The following GMPS variants were observed in gnomAD, a reference collection of about 807,000 sequenced individuals.
GMPS encodes the protein GMP synthase [glutamine-hydrolyzing].
GMPS carries 15 observed loss-of-function variants against 77.9 expected under a neutral mutation model. The observed-to-expected ratio is 0.19, with a 90% CI of 0.13 to 0.30. The LOEUF is 0.30. Among genes scored for constraint, GMPS ranks in the 10% least tolerant of loss-of-function variants. GMPS has a pLI of 1.00. For synonymous variants in GMPS, 224 were observed against 275.9 expected (o/e 0.81, Z 1.86); for missense variants, 590 against 838.8 (o/e 0.70, Z 3.66).
At chr3:155,903,770 C>A in intron 3 of GMPS, 93 bp from the exon 4 acceptor site, 1 of 563,958 alleles carries the variant, frequency 1.8e-6, no homozygotes, top group Non-Finnish European at 3.1e-6. Context: ...ATCAGGTATT[C>A]TGAAAAGAAA....
intron 1 of GMPS, among the ~76,000 whole-genome samples, chr3:155,887,849 G>A (rs1220413955): frequency 6.6e-6 from 1 of 152,110 alleles, no homozygotes; most frequent in Non-Finnish European, 1.5e-5. Context: ...AAATGTTACT[G>A]ATCATTGATA....
intron 12 of GMPS, among the ~76,000 whole-genome samples, chr3:155,928,348 G>A (rs978966421): frequency 6.6e-6 from 1 of 151,906 alleles, no homozygotes; most frequent in African/African-American, 2.4e-5. Context: ...TTTTATAGAT[G>A]CTATCACATT....
At chr3:155,913,665 C>T (rs1577522332) in intron 7 of GMPS, among the ~76,000 whole-genome samples, 1 of 151,822 alleles carries the variant, frequency 6.6e-6, no homozygotes, top group Non-Finnish European at 1.5e-5. Flanking sequence ...GGATTGCAGA[C>T]ATGTGCCACT....
chr3:155,918,766 CTT>C (rs1755246902), intron 9 of GMPS, among the ~76,000 whole-genome samples: 1 of 152,030 alleles, frequency 6.6e-6, no homozygotes, highest in African/African-American at 2.4e-5. Flanking sequence ...TTTTAATTGA[CTT>C]ATTTATTTTT....
chr3:155,942,551 G>A lies in GMPS; in HGVS notation c.*4859G>A, dbSNP rs753730206. ...AAGGTCTTATAGCTAAATTAGTTCA[G>A]ATCCAGGAACCAGATTCTGGAACTG... On this transcript the variant is annotated 3_prime_UTR_variant, in exon 16 of 16. Coordinates refer to ENST00000496455, the MANE Select transcript of GMPS (RefSeq NM_003875.3). 222 of 228,102 alleles carry A rather than the reference G, an allele frequency of 9.7e-4. 2 individuals carry two copies. Among genetic ancestry groups the A allele is most frequent in the Middle Eastern group, 3.9e-3 (3 of 776 alleles). The allele number at this position is 228,102 out of a possible 1,614,324, so 14.1% of individuals were successfully genotyped here. A position where few individuals can be genotyped will look rare whatever the true frequency, so the allele number is the denominator to read the frequency against.
At chr3:155,893,790 C>T (rs762054037) in intron 2 of GMPS, 91 bp downstream of exon 2, 25 of 672,998 alleles carry the variant, frequency 3.7e-5, no homozygotes, top group Non-Finnish European at 4.4e-5. Context: ...AATTTTTCTA[C>T]GAAAATAAGA....
intron 11 of GMPS, 59 bp from the exon 12 acceptor site, chr3:155,925,182 T>TA: frequency 2.7e-6 from 4 of 1,476,220 alleles, no homozygotes; most frequent in Non-Finnish European, 3.7e-6. Flanking sequence ...TAGTAGATAA[T>TA]AAAAGAGTGA....
chr3:155,901,600 A>G (rs1358350777), intron 3 of GMPS, among the ~76,000 whole-genome samples: 3 of 152,114 alleles, frequency 2.0e-5, no homozygotes, highest in African/African-American at 7.2e-5. Context: ...TTCCCACAGC[A>G]ATATATAAAA....
intron 9 of GMPS, among the ~76,000 whole-genome samples, chr3:155,917,904 G>A (rs1755226482): frequency 6.6e-6 from 1 of 151,956 alleles, no homozygotes; most frequent in South Asian, 2.1e-4. Flanking sequence ...AACAGACTGA[G>A]TAATGTACTA....
rs892250677 is a variant in GMPS at position 155,930,046 on chromosome 3, C to G, written c.1561-1719C>G. ...TATGGAACCAAAAAAGAGCCCGCAT[C>G]GCCAAGTCAATCCTAAGCCAAAAGA... On this transcript the variant is annotated intron_variant, in intron 12 of 15. Coordinates refer to ENST00000496455, the MANE Select transcript of GMPS (RefSeq NM_003875.3). Among the ~76,000 whole-genome samples the G allele has an allele frequency of 1.1e-3, 154 of 143,936 alleles. No homozygotes were observed. In the Middle Eastern group the frequency reaches 0.014, roughly 13 times the overall value. 94.4% of individuals were successfully genotyped at this position (143,936 alleles called of 152,430 possible). A position where few individuals can be genotyped will look rare whatever the true frequency, so the allele number is the denominator to read the frequency against.
intron 1 of GMPS, among the ~76,000 whole-genome samples, chr3:155,883,013 A>G (rs557674267): frequency 1.3e-5 from 2 of 152,342 alleles, no homozygotes; most frequent in East Asian, 1.9e-4. Flanking sequence ...AATAGACCAC[A>G]TACTACCACA....
At position 155,931,683 on chromosome 3, in the gene GMPS, T is replaced by TTTA. The variant is rs745576751; in HGVS notation, c.1561-82_1561-81insTTA. The TTTA allele has an allele frequency of 2.1e-3, 839 of 398,664 alleles. 3 individuals are homozygous for TTTA. The highest frequency in any genetic ancestry group is 8.9e-3 in the East Asian group (194 of 21,706). The allele number at this position is 398,664 out of a possible 1,614,324, so 24.7% of individuals were successfully genotyped here. ...TTCAATGCATCTTTTCTTTTTTTTT[T>TTTA]AAAAAAAAAAAAAAGCTTTGTCAAG... On this transcript the variant is annotated intron_variant, in intron 12 of 15. Coordinates refer to ENST00000496455, the MANE Select transcript of GMPS (RefSeq NM_003875.3).
At chr3:155,889,039 T>TA (rs1405620097) in intron 1 of GMPS, among the ~76,000 whole-genome samples, 1 of 152,242 alleles carries the variant, frequency 6.6e-6, no homozygotes, top group African/African-American at 2.4e-5. Context: ...CCCTTTTTTT[T>TA]ACTTTTAGTA....
At chr3:155,890,452 A>T (rs745450922) in intron 1 of GMPS, among the ~76,000 whole-genome samples, 1 of 152,202 alleles carries the variant, frequency 6.6e-6, no homozygotes, top group African/African-American at 2.4e-5. Flanking sequence ...AACTTTTGTC[A>T]ATTACAAAAG....
chr3:155,924,172 C>T (rs1342559900), intron 11 of GMPS, among the ~76,000 whole-genome samples: 1 of 152,196 alleles, frequency 6.6e-6, no homozygotes, highest in Non-Finnish European at 1.5e-5. Context: ...AGCCACTGGG[C>T]CCGGCTGAGA....
intron 12 of GMPS, 42 bp from the exon 13 acceptor site, chr3:155,931,723 C>A: frequency 6.0e-6 from 4 of 667,802 alleles, no homozygotes; most frequent in Non-Finnish European, 7.8e-6. Context: ...ACTGGTGTAT[C>A]TTTTGACTAT....
Position 155,899,237 on chromosome 3 carries a change from G to A in GMPS, c.324+1196G>A, listed in dbSNP as rs546154904. Among the ~76,000 whole-genome samples the A allele has an allele frequency of 9.9e-5, 15 of 152,100 alleles. No individual in the cohort carries two copies. The East Asian group carries it at 2.5e-3, about 25-fold the overall frequency. Reference sequence around the variant, plus strand: ...TACAAAATTAGCTGGGCGTGGTGGCGCATGACTGTAATCCCAGCTCCTTGG... The same window carrying A: ...TACAAAATTAGCTGGGCGTGGTGGCACATGACTGTAATCCCAGCTCCTTGG... On this transcript the variant is annotated intron_variant, in intron 3 of 15. Transcript: ENST00000496455.
chr3:155,906,593 T>C (rs1447465033), intron 5 of GMPS, among the ~76,000 whole-genome samples: 2 of 152,230 alleles, frequency 1.3e-5, no homozygotes, highest in Non-Finnish European at 2.9e-5. Flanking sequence ...CATACTATAC[T>C]ATATTCAGAG....
At chr3:155,937,376 G>A (rs1180272570) in intron 15 of GMPS, among the ~76,000 whole-genome samples, 1 of 152,200 alleles carries the variant, frequency 6.6e-6, no homozygotes, top group Admixed American at 6.5e-5. Context: ...GTAGTACTGA[G>A]TTTAAGTCAC....
Sources: gnomAD v4.1 joint callset for allele counts (sites outside exome capture counted in the v4.1 genomes callset) on GRCh38, gnomAD v4.1.1 for gene constraint, MANE v1.5 for transcripts, NCBI Gene and HGNC (gene_info 2026-07-23, HGNC 2026-07-21) for gene names.